The following SPATA6L variants were observed in gnomAD, a reference collection of about 807,000 sequenced individuals.
SPATA6L encodes the protein spermatogenesis associated 6 like.
SPATA6L carries 68 observed loss-of-function variants against 49.2 expected under a neutral mutation model. The observed-to-expected ratio is 1.38, with a 90% CI of 1.14 to 1.69. The LOEUF is 1.69. Ranked by LOEUF, SPATA6L falls within the 40% of genes most tolerant of loss-of-function variation. The pLI is 0.00. For missense variants in SPATA6L, 668 were observed against 464.3 expected (o/e 1.44, Z -4.03); for synonymous variants, 198 against 165.7 (o/e 1.19, Z -1.50).
intron 3 of SPATA6L, among the ~76,000 whole-genome samples, chr9:4,648,570 G>C (rs1365655990): frequency 6.6e-6 from 1 of 151,886 alleles, no homozygotes; most frequent in East Asian, 1.9e-4. Context: ...CGTGGTGGCG[G>C]GAGCCTGTGG....
chr9:4,635,341 G>C lies in SPATA6L; in HGVS notation c.285C>G (p.Pro95=). ...TCCTAGGGTGCGAAGGTGTCAGCTT[G>C]GGCTCTGGGAAAAGAAAATCTCGTG... ...ENTRDFLFPE[P]KLTPSHPRRC... Residue 95 remains proline (P), a synonymous_variant, in exon 4 of 12, where the codon CCC becomes CCG. Coordinates refer to ENST00000682582, the MANE Select transcript of SPATA6L (RefSeq NM_001353486.2). 1 of 1,589,892 alleles carries C rather than the reference G, an allele frequency of 6.3e-7. No homozygotes were observed. The highest frequency in any genetic ancestry group is 8.5e-7 in the Non-Finnish European group (1 of 1,171,462).
chr9:4,642,530 C>A (rs1428367814), intron 3 of SPATA6L, among the ~76,000 whole-genome samples: 1 of 152,160 alleles, frequency 6.6e-6, no homozygotes. Flanking sequence ...AACCAAGAAG[C>A]AGAAGAAAGA....
At chr9:4,628,045 G>T (rs1039774459) in intron 5 of SPATA6L, 2 of 348,360 alleles carry the variant, frequency 5.7e-6, no homozygotes, top group Admixed American at 4.1e-5. Flanking sequence ...GGGAGCTAAA[G>T]ATTAAAACAA....
chr9:4,654,411 C>T (rs1023768460), intron 3 of SPATA6L, among the ~76,000 whole-genome samples: 2 of 152,174 alleles, frequency 1.3e-5, no homozygotes, highest in African/African-American at 4.8e-5. Flanking sequence ...GACCCCATAG[C>T]ACTATCTAGG....
intron 3 of SPATA6L, among the ~76,000 whole-genome samples, chr9:4,643,850 C>A (rs10974706): frequency 0.47 from 71,892 of 151,794 alleles, 18,042 homozygotes; most frequent in Non-Finnish European, 0.56. Context: ...ACAAAAAATA[C>A]ACAAAAATTA....
At chr9:4,608,668 C>T (rs1296774374) in intron 9 of SPATA6L, among the ~76,000 whole-genome samples, 2 of 148,142 alleles carry the variant, frequency 1.4e-5, no homozygotes, top group African/African-American at 2.6e-5. Flanking sequence ...AAATTTATAG[C>T]ACTAAATGCC....
Position 4,662,334 on chromosome 9 carries a change from G to A in SPATA6L, c.40-298C>T. ...GAGGCTGCAGGGCCGGGAAGCCTCT[G>A]TTTGGTCCGGCCAGGTCCCGGGATC... On this transcript the variant is annotated intron_variant, in intron 1 of 11. Transcript: ENST00000682582. This position sits in a 1 kb window ranked among gnomAD's most constrained non-coding sequence, Gnocchi z 4.9. 2 of 1,463,600 alleles carry A rather than the reference G, an allele frequency of 1.4e-6. No individual in the cohort carries two copies. The highest frequency in any genetic ancestry group is 1.8e-6 in the Non-Finnish European group (2 of 1,114,552). The allele number at this position is 1,463,600 out of a possible 1,614,324, so 90.7% of individuals were successfully genotyped here. A position where few individuals can be genotyped will look rare whatever the true frequency, so the allele number is the denominator to read the frequency against.
intron 2 of SPATA6L, among the ~76,000 whole-genome samples, chr9:4,659,375 A>G (rs1839057852): frequency 2.6e-5 from 4 of 151,914 alleles, no homozygotes; most frequent in Admixed American, 2.6e-4. Flanking sequence ...ATTCCTATAC[A>G]CCAATAACAG....
intron 9 of SPATA6L, among the ~76,000 whole-genome samples, chr9:4,607,409 C>T (rs1024978100): frequency 6.6e-6 from 1 of 152,024 alleles, no homozygotes; most frequent in African/African-American, 2.4e-5. Flanking sequence ...GTCGGGTTAC[C>T]CTCAAAGGGA....
In SPATA6L at chr9:4,599,136, T is replaced by C. The variant is rs1467517088; in HGVS notation, c.*1675A>G. ...TAATTTTATACATGATTTTAAATAA[T>C]TTGGAGCATGAAACAAAGTTTCGAA... On this transcript the variant is annotated 3_prime_UTR_variant, in exon 12 of 12. Transcript: ENST00000682582. Among the ~76,000 whole-genome samples, 1 of 152,218 alleles carries C rather than the reference T, an allele frequency of 6.6e-6. No homozygotes were observed. The highest frequency in any genetic ancestry group is 1.5e-5 in the Non-Finnish European group (1 of 68,042).
At chr9:4,632,927 C>T (rs1187375148) in intron 4 of SPATA6L, 1 of 152,192 alleles carries the variant, frequency 6.6e-6, no homozygotes, top group Non-Finnish European at 1.5e-5. Flanking sequence ...TGGATGTGAT[C>T]CCCAACACAG....
chr9:4,643,616 G>A (rs1426398201), intron 3 of SPATA6L, among the ~76,000 whole-genome samples: 1 of 152,100 alleles, frequency 6.6e-6, no homozygotes, highest in Admixed American at 6.5e-5. Context: ...ATAATGTAAA[G>A]TAAGAAAAGT....
chr9:4,632,951 C>A (rs767376970), intron 4 of SPATA6L: 1 of 152,190 alleles, frequency 6.6e-6, no homozygotes, highest in African/African-American at 2.4e-5. Context: ...TTTCATGACA[C>A]TTTTATTGTA....
intron 2 of SPATA6L, among the ~76,000 whole-genome samples, chr9:4,660,056 A>G (rs1839246451): frequency 6.6e-6 from 1 of 152,268 alleles, no homozygotes; most frequent in South Asian, 2.1e-4. Flanking sequence ...CTTAAATGTT[A>G]GACCTAAAAC....
intron 3 of SPATA6L, among the ~76,000 whole-genome samples, chr9:4,644,544 T>C (rs1469439540): frequency 6.6e-6 from 1 of 152,114 alleles, no homozygotes; most frequent in Non-Finnish European, 1.5e-5. Context: ...GATTACGTGA[T>C]GTGGGAATGC....
chr9:4,661,641 C>G (rs989607047), intron 2 of SPATA6L, among the ~76,000 whole-genome samples: 1 of 151,922 alleles, frequency 6.6e-6, no homozygotes, highest in African/African-American at 2.4e-5. Context: ...TCTCTTTGCT[C>G]CAGTTAAAAA....
chr9:4,658,982 C>A, intron 2 of SPATA6L, among the ~76,000 whole-genome samples: 1 of 148,030 alleles, frequency 6.8e-6, no homozygotes, highest in Admixed American at 6.7e-5. Flanking sequence ...TTCTACAGAG[C>A]AAATTCAAAA....
intron 2 of SPATA6L, among the ~76,000 whole-genome samples, chr9:4,661,539 A>T (rs899248250): frequency 7.9e-5 from 12 of 151,768 alleles, no homozygotes; most frequent in African/African-American, 2.9e-4. Context: ...TTGGTCTAAC[A>T]CAGTTTTTTC....
At chr9:4,591,125 C>G (rs1821876400) in intron 13 of SPATA6L, among the ~76,000 whole-genome samples, 1 of 152,116 alleles carries the variant, frequency 6.6e-6, no homozygotes, top group Admixed American at 6.5e-5. Context: ...GAAGGTAAGA[C>G]AGATTGAAAT....
Sources: allele counts gnomAD v4.1 joint callset (sites outside exome capture counted in the v4.1 genomes callset), GRCh38; gene constraint gnomAD v4.1.1; non-coding constraint Gnocchi (gnomAD v3.1); transcripts MANE v1.5; gene names NCBI Gene and HGNC (gene_info 2026-07-23, HGNC 2026-07-21).